AGBL1: variants seen among roughly 807,000 people sequenced by gnomAD.
AGBL1 encodes AGBL carboxypeptidase 1, also known as cytosolic carboxypeptidase 4.
In AGBL1, 130 loss-of-function variants were observed where a neutral mutation model predicts 118.9. The ratio of observed to expected loss-of-function variants is 1.09; its 90% CI spans 0.95 to 1.26. The LOEUF is 1.26. AGBL1 is among the 50% of genes most tolerant of loss of function. AGBL1 has a pLI of 0.00. For synonymous variants in AGBL1, 555 were observed against 478.9 expected (o/e 1.16, Z -2.08); for missense variants, 1,584 against 1,298.1 (o/e 1.22, Z -3.38).
chr15:86,460,794 T>C (rs953880253), intron 18 of AGBL1, among the ~76,000 whole-genome samples: 4 of 152,196 alleles, frequency 2.6e-5, no homozygotes, highest in African/African-American at 4.8e-5. Flanking sequence ...GCTGGTTCTG[T>C]GCCATTGACA....
intron 22 of AGBL1, among the ~76,000 whole-genome samples, chr15:86,804,582 G>T (rs1192598956): frequency 2.6e-5 from 4 of 152,166 alleles, no homozygotes; most frequent in Non-Finnish European, 5.9e-5. Flanking sequence ...CATGTGTCTT[G>T]ATTGCAATTT....
intron 22 of AGBL1, among the ~76,000 whole-genome samples, chr15:86,720,864 T>C (rs1411805593): frequency 1.3e-5 from 2 of 152,156 alleles, no homozygotes; most frequent in African/African-American, 2.4e-5. Context: ...GAGAATACTA[T>C]GAACACCTCT....
chr15:86,237,435 G>A (rs2078570428), intron 6 of AGBL1, among the ~76,000 whole-genome samples: 1 of 152,188 alleles, frequency 6.6e-6, no homozygotes, highest in Admixed American at 6.5e-5. Flanking sequence ...GGACAGACGG[G>A]TGCCTTAAAT....
intron 23 of AGBL1, among the ~76,000 whole-genome samples, chr15:86,934,315 A>G (rs144876958): frequency 5.3e-5 from 8 of 152,286 alleles, no homozygotes; most frequent in East Asian, 3.9e-4. Context: ...AGTGTCCAGA[A>G]AGCTGTTAAA....
intron 24 of AGBL1, among the ~76,000 whole-genome samples, chr15:87,022,160 GAAC>G (rs2081671285): frequency 6.6e-6 from 1 of 152,032 alleles, no homozygotes; most frequent in African/African-American, 2.4e-5. Context: ...AAAAGAATCT[GAAC>G]AACAGCCTTC....
At chr15:86,136,823 G>C (rs984956873) in intron 1 of AGBL1, among the ~76,000 whole-genome samples, 8 of 152,126 alleles carry the variant, frequency 5.3e-5, no homozygotes, top group African/African-American at 1.7e-4. Context: ...TTAAAGCAGG[G>C]AGTGACACAT....
Position 86,247,739 on chromosome 15 carries a change from C to A in AGBL1, c.595C>A (p.His199Asn). The A allele has an allele frequency of 6.2e-7, 1 of 1,613,848 alleles. No individual in the cohort carries two copies. The highest frequency in any genetic ancestry group is 1.1e-5 in the South Asian group (1 of 91,040). The part of the protein sequence containing the change: ...TSLLGLHQDW[H>N]SHDTANAYVQ... ...CCTGCTCGGGCTGCACCAGGACTGG[C>A]ACAGCCATGACACAGCCAACGCCTA... Residue 199 changes from histidine (H) to asparagine (N), a missense_variant, in exon 7 of 23, where the codon CAC becomes AAC. By Grantham distance (68) the His-to-Asn change is moderately conservative. Coordinates refer to ENST00000614907, the MANE Select transcript of AGBL1 (RefSeq NM_001386094.1).
At chr15:86,398,468 A>G (rs545050821) in intron 18 of AGBL1, among the ~76,000 whole-genome samples, 2 of 152,326 alleles carry the variant, frequency 1.3e-5, no homozygotes, top group East Asian at 3.9e-4. Context: ...AGGAAAAAAA[A>G]TTCAAAACCT....
chr15:86,460,457 C>T (rs2082319978), intron 18 of AGBL1, among the ~76,000 whole-genome samples: 1 of 151,784 alleles, frequency 6.6e-6, no homozygotes, highest in South Asian at 2.1e-4. Context: ...GACTGAGCCA[C>T]TGCACTCCAG....
At chr15:86,097,275 G>A (rs1896438732) in intron 1 of AGBL1, among the ~76,000 whole-genome samples, 1 of 152,124 alleles carries the variant, frequency 6.6e-6, no homozygotes. Context: ...AGAGTAATTG[G>A]ACTATCCATC....
At chr15:86,218,490 T>A (rs2078225934) in intron 5 of AGBL1, among the ~76,000 whole-genome samples, 1 of 152,212 alleles carries the variant, frequency 6.6e-6, no homozygotes, top group South Asian at 2.1e-4. Context: ...TATACCTTTA[T>A]GTTATTTCCT....
At chr15:86,880,514 G>C (rs1379250255) in intron 22 of AGBL1, among the ~76,000 whole-genome samples, 2 of 152,160 alleles carry the variant, frequency 1.3e-5, no homozygotes, top group Non-Finnish European at 2.9e-5. Context: ...GTAGTGAGAG[G>C]GTTCCCAGTG....
chr15:86,352,501 G>C (rs1464583031), intron 17 of AGBL1, among the ~76,000 whole-genome samples: 1 of 150,888 alleles, frequency 6.6e-6, no homozygotes, highest in Non-Finnish European at 1.5e-5. Flanking sequence ...TTTTGGAATG[G>C]AGTCTTGGTC....
chr15:86,670,919 C>A (rs940089375), intron 21 of AGBL1, among the ~76,000 whole-genome samples: 1 of 151,640 alleles, frequency 6.6e-6, no homozygotes, highest in African/African-American at 2.4e-5. Flanking sequence ...TTGTTTAAAT[C>A]AGAGAGGGTT....
At chr15:86,397,693 A>G (rs1002658976) in intron 18 of AGBL1, 147 bp downstream of exon 18, 40 of 713,186 alleles carry the variant, frequency 5.6e-5, no homozygotes, top group South Asian at 4.4e-5. Flanking sequence ...AAATAACAAC[A>G]TACTTTCCAT....
intron 3 of AGBL1, among the ~76,000 whole-genome samples, chr15:86,148,456 T>C (rs1163607370): frequency 6.6e-6 from 1 of 152,122 alleles, no homozygotes; most frequent in East Asian, 1.9e-4. Flanking sequence ...CTGAAAAACA[T>C]GGCACAAGAA....
At chr15:86,747,080 C>T (rs1007052698) in intron 22 of AGBL1, among the ~76,000 whole-genome samples, 2 of 152,002 alleles carry the variant, frequency 1.3e-5, no homozygotes, top group African/African-American at 4.8e-5. Flanking sequence ...CACAGCCCCC[C>T]GAGCATATGC....
intron 23 of AGBL1, among the ~76,000 whole-genome samples, chr15:86,926,248 T>C (rs1567243678): frequency 6.6e-6 from 1 of 152,198 alleles, no homozygotes; most frequent in Non-Finnish European, 1.5e-5. Context: ...TTGTGGAGGA[T>C]TGCCAACTTC....
chr15:86,676,950 A>G (rs186379351), intron 22 of AGBL1, among the ~76,000 whole-genome samples: 9 of 152,244 alleles, frequency 5.9e-5, no homozygotes, highest in Admixed American at 2.6e-4. Context: ...TGGGAGGCGG[A>G]GGTTGCAGTG....
Sources: allele counts gnomAD v4.1 joint callset (sites outside exome capture counted in the v4.1 genomes callset), GRCh38; gene constraint gnomAD v4.1.1; transcripts MANE v1.5; gene names NCBI Gene and HGNC (gene_info 2026-07-23, HGNC 2026-07-21).